The following CD99L2 variants were observed in gnomAD, a reference collection of about 807,000 sequenced individuals.
CD99L2 encodes the protein CD99 molecule like 2.
Under a neutral mutation model 27.3 loss-of-function variants are expected in CD99L2, and 24 were observed. That is an observed-to-expected ratio of 0.88 (90% CI 0.64 to 1.24). CD99L2 has a LOEUF of 1.24. Among genes scored for constraint, CD99L2 ranks in the 50% most tolerant of loss-of-function variants. CD99L2 has a pLI of 0.00. For synonymous variants in CD99L2, 97 were observed against 87.9 expected, an observed-to-expected ratio of 1.10 and a Z score of -0.58; for missense variants, 255 against 221.6, an observed-to-expected ratio of 1.15 and a Z score of -0.96.
chrX:150,895,713 T>C (rs1167736327), intron 1 of CD99L2, among the ~76,000 whole-genome samples: 2 of 111,613 alleles, frequency 1.8e-5, no homozygotes, highest in African/African-American at 6.5e-5. Flanking sequence ...AATCGTATTA[T>C]CTTATTTTGG....
chrX:150,808,911 A>G (rs1557420308), intron 4 of CD99L2, among the ~76,000 whole-genome samples: 1 of 111,239 alleles, frequency 9.0e-6, no homozygotes, highest in African/African-American at 3.3e-5. Flanking sequence ...AAGAGTCCTT[A>G]TAAGGGAAAG....
chrX:150,845,552 G>A, intron 1 of CD99L2, among the ~76,000 whole-genome samples: 1 of 110,513 alleles, frequency 9.0e-6, no homozygotes, highest in African/African-American at 3.3e-5. Context: ...ATGGGTGGGA[G>A]CCCAAGAGCC....
At chrX:150,806,752 G>A (rs782298181) in intron 4 of CD99L2, among the ~76,000 whole-genome samples, 66 of 110,763 alleles carry the variant, frequency 6.0e-4, no homozygotes, top group African/African-American at 2.0e-3. Flanking sequence ...TTAGCCGGGC[G>A]TGGTGGTGGG....
chrX:150,774,642 T>C (rs1557419203), intron 9 of CD99L2, among the ~76,000 whole-genome samples: 1 of 112,116 alleles, frequency 8.9e-6, no homozygotes, highest in East Asian at 2.8e-4. Context: ...GATGAAGGGC[T>C]GTGACTATGT....
intron 1 of CD99L2, among the ~76,000 whole-genome samples, chrX:150,880,880 C>G (rs2047314793): frequency 9.0e-6 from 1 of 111,660 alleles, no homozygotes. Context: ...TTCCAAGAAA[C>G]CCACCCTCAC....
chrX:150,779,986 T>C (rs782030788), intron 7 of CD99L2, among the ~76,000 whole-genome samples: 1 of 112,110 alleles, frequency 8.9e-6, no homozygotes, highest in Admixed American at 9.4e-5. Flanking sequence ...ACCCACAGAA[T>C]AGGAGAACAT....
intron 4 of CD99L2, among the ~76,000 whole-genome samples, chrX:150,800,701 G>A (rs1412151964): frequency 9.0e-6 from 1 of 111,071 alleles, no homozygotes; most frequent in Non-Finnish European, 1.9e-5. Context: ...GTTAAAAATG[G>A]TTAAAACAGT....
chrX:150,893,121 C>T (rs1337712703), intron 1 of CD99L2, among the ~76,000 whole-genome samples: 1 of 111,585 alleles, frequency 9.0e-6, no homozygotes, highest in Non-Finnish European at 1.9e-5. Flanking sequence ...ACAAACAACA[C>T]ATTTGAGATA....
chrX:150,816,700 T>C (rs900080666), intron 2 of CD99L2, among the ~76,000 whole-genome samples: 1 of 109,227 alleles, frequency 9.2e-6, no homozygotes, highest in Admixed American at 9.8e-5. Flanking sequence ...TTACTGGGTA[T>C]ATACCCAAAG....
chrX:150,847,538 A>G (rs1217685627), intron 1 of CD99L2, among the ~76,000 whole-genome samples: 2 of 110,682 alleles, frequency 1.8e-5, no homozygotes, highest in Non-Finnish European at 3.8e-5. Flanking sequence ...CCCCATCTTG[A>G]TACTGCTTTC....
chrX:150,875,380 G>A lies in CD99L2; in HGVS notation c.67+23142C>T, dbSNP rs782494314. Among the ~76,000 whole-genome samples the A allele has an allele frequency of 1.8e-3, 204 of 111,956 alleles. 1 individual carries two copies. The highest frequency in any genetic ancestry group is 5.2e-3 in the African/African-American group (159 of 30,851). On this transcript the variant is annotated intron_variant, in intron 1 of 10. Coordinates refer to ENST00000370377, the MANE Select transcript of CD99L2 (RefSeq NM_031462.4). Reference sequence around the variant, plus strand: ...CAGTTTTACTTGCACTCATTTGTGCGTGTTCATTAAGTTCTATACAACTTT... The same window carrying A: ...CAGTTTTACTTGCACTCATTTGTGCATGTTCATTAAGTTCTATACAACTTT...
At chrX:150,787,634 CTA>C (rs2045615369) in intron 7 of CD99L2, among the ~76,000 whole-genome samples, 1 of 107,150 alleles carries the variant, frequency 9.3e-6, no homozygotes, top group Non-Finnish European at 1.9e-5. Context: ...TCTGAGCAAA[CTA>C]TCACAAAGGC....
intron 4 of CD99L2, among the ~76,000 whole-genome samples, chrX:150,812,454 G>A (rs536809518): frequency 2.7e-5 from 3 of 111,862 alleles, no homozygotes; most frequent in Non-Finnish European, 5.6e-5. Context: ...TACATGAAAA[G>A]GTGTTCAATA....
intron 1 of CD99L2, among the ~76,000 whole-genome samples, chrX:150,873,126 C>T (rs2047181526): frequency 8.9e-6 from 1 of 112,408 alleles, no homozygotes; most frequent in African/African-American, 3.2e-5. Context: ...TCATTTCAGC[C>T]CTGAGAAACA....
intron 7 of CD99L2, among the ~76,000 whole-genome samples, chrX:150,779,586 C>T (rs1270545075): frequency 8.9e-6 from 1 of 112,413 alleles, no homozygotes; most frequent in African/African-American, 3.2e-5. Flanking sequence ...TACCGAGCTT[C>T]GCTTACTTCC....
At chrX:150,777,186 A>C (rs1557419279) in intron 8 of CD99L2, 1 of 408,641 alleles carries the variant, frequency 2.4e-6, no homozygotes, top group African/African-American at 2.5e-5. Flanking sequence ...ATCAGTTTGT[A>C]TTGCCAGGGT....
chrX:150,823,830 T>G (rs991366056), intron 2 of CD99L2, among the ~76,000 whole-genome samples: 3 of 110,161 alleles, frequency 2.7e-5, no homozygotes, highest in Non-Finnish European at 5.7e-5. Flanking sequence ...TCCATTCACC[T>G]ATTAATCCAT....
chrX:150,860,290 C>G (rs1603307665), intron 1 of CD99L2, among the ~76,000 whole-genome samples: 1 of 80,462 alleles, frequency 1.2e-5, no homozygotes, highest in African/African-American at 4.8e-5. Flanking sequence ...TGGGTAAAAA[C>G]TCAAACTAGG....
chrX:150,769,006 T>C lies in CD99L2; in HGVS notation c.*28A>G, dbSNP rs200033765. 1.1e-3 allele frequency: 1,258 copies of C among 1,132,854 alleles called. 14 individuals are homozygous for C. The highest frequency in any genetic ancestry group is 1.5e-3 in the Middle Eastern group (6 of 3,970). 93.4% of individuals were successfully genotyped at this position (1,132,854 alleles called of 1,213,427 possible). On this transcript the variant is annotated 3_prime_UTR_variant, in exon 11 of 11. Transcript: ENST00000370377. ...GCCGGGTGACAAGCGGTGGCACCAT[T>C]GTGCATGCCTGCAGCTGGACAGGGC...
Sources: gnomAD v4.1 joint callset for allele counts (sites outside exome capture counted in the v4.1 genomes callset) on GRCh38, gnomAD v4.1.1 for gene constraint, MANE v1.5 for transcripts, NCBI Gene and HGNC (gene_info 2026-07-23, HGNC 2026-07-21) for gene names.